Variants in DAB1 observed in about 807,000 individuals in gnomAD.
DAB1 encodes disabled homolog 1.
A neutral mutation model predicts 64.6 loss-of-function variants in DAB1; 15 were observed. The observed-to-expected ratio is 0.23, with a 90% CI of 0.16 to 0.36. The LOEUF (loss-of-function observed/expected upper bound fraction) is 0.36, where lower values mean the gene tolerates loss of function less well. Among genes scored for constraint, DAB1 ranks in the 10% least tolerant of loss-of-function variants. The pLI is 1.00. For synonymous variants in DAB1, 235 were observed against 251.9 expected (o/e 0.93, Z 0.64); for missense variants, 596 against 706.7 (o/e 0.84, Z 1.78).
chr1:57,068,206 C>T (rs1465156677), intron 8 of DAB1, among the ~76,000 whole-genome samples: 1 of 152,192 alleles, frequency 6.6e-6, no homozygotes, highest in African/African-American at 2.4e-5. Flanking sequence ...TTTTCCTCCT[C>T]ATATTCAGAT....
chr1:58,284,424 C>CCT (rs151010322), intron 4 of DAB1, among the ~76,000 whole-genome samples: 1 of 152,114 alleles, frequency 6.6e-6, no homozygotes, highest in Non-Finnish European at 1.5e-5. Context: ...TGCTACCCTG[C>CCT]CTCTCTCTCT....
At chr1:57,941,611 C>T (rs749593407) in intron 5 of DAB1, among the ~76,000 whole-genome samples, 2 of 152,066 alleles carry the variant, frequency 1.3e-5, no homozygotes, top group Admixed American at 6.6e-5. Context: ...CCAAGGCGGG[C>T]GGATCACGAG....
At chr1:57,250,693 C>T (rs79348381) in intron 2 of DAB1, among the ~76,000 whole-genome samples, 5,208 of 152,252 alleles carry the variant, frequency 0.034, 86 homozygotes, top group Non-Finnish European at 0.04. Flanking sequence ...ATTAGGCCCA[C>T]ACCTAAGATT....
chr1:57,009,928 T>A lies in DAB1; in HGVS notation c.*15+752A>T, dbSNP rs544765163. Among the ~76,000 whole-genome samples the A allele has an allele frequency of 1.8e-3, 270 of 152,340 alleles. 3 individuals are homozygous for A. The highest frequency in any genetic ancestry group is 2.0e-3 in the Non-Finnish European group (135 of 68,032). On this transcript the variant is annotated intron_variant, in intron 14 of 14. Transcript: ENST00000371236. The stretch of plus-strand genomic sequence containing the variant: ...TGAAGTGATTTGGTGGCAATCCACA[T>A]GCTGCAGCACAGGTGCAAACAGCAC...
chr1:57,627,640 G>A (rs1035110396), intron 7 of DAB1, among the ~76,000 whole-genome samples: 1 of 152,216 alleles, frequency 6.6e-6, no homozygotes, highest in Non-Finnish European at 1.5e-5. Flanking sequence ...TATAATAAAT[G>A]TTGAATGAAT....
At chr1:57,619,159 T>A (rs1371225991) in intron 7 of DAB1, among the ~76,000 whole-genome samples, 2 of 152,200 alleles carry the variant, frequency 1.3e-5, no homozygotes, top group Admixed American at 1.3e-4. Flanking sequence ...GTTAATATCC[T>A]TTATGACAGG....
chr1:57,199,321 A>G (rs899100681), intron 2 of DAB1, among the ~76,000 whole-genome samples: 1 of 152,256 alleles, frequency 6.6e-6, no homozygotes, highest in Admixed American at 6.5e-5. Flanking sequence ...AAACCCACAC[A>G]GAGACTTCAG....
chr1:58,214,325 T>C (rs1658728277), intron 4 of DAB1, among the ~76,000 whole-genome samples: 2 of 152,296 alleles, frequency 1.3e-5, no homozygotes, highest in East Asian at 3.9e-4. Flanking sequence ...TGCTCACATA[T>C]TACCCTATTC....
chr1:58,403,780 C>T (rs1223420412), intron 3 of DAB1, among the ~76,000 whole-genome samples: 1 of 152,300 alleles, frequency 6.6e-6, no homozygotes, highest in African/African-American at 2.4e-5. Flanking sequence ...ACCTTCCCAT[C>T]CCCTATACAT....
In DAB1 at chr1:58,447,617, T is replaced by C. The variant is rs115151537; in HGVS notation, n.257+58443A>G. On this transcript the variant is annotated intron_variant and non_coding_transcript_variant, in intron 3 of 20. Coordinates refer to the DAB1 transcript ENST00000485760. ...GAATAACCAGATAAACAAACGCTCG[T>C]CAGTGCTATGAAAGAAAAGAAGGAA... Among the ~76,000 whole-genome samples, 1,359 of 152,208 alleles carry C rather than the reference T, an allele frequency of 8.9e-3. 19 individuals carry two copies. The highest frequency in any genetic ancestry group is 0.031 in the African/African-American group (1,305 of 41,520).
intron 2 of DAB1, among the ~76,000 whole-genome samples, chr1:58,520,396 G>A (rs1229339218): frequency 6.6e-6 from 1 of 152,072 alleles, no homozygotes. Flanking sequence ...TGCCCAATTT[G>A]AAAATGGGAA....
At chr1:57,739,037 T>C (rs1441843046) in intron 6 of DAB1, among the ~76,000 whole-genome samples, 1 of 152,190 alleles carries the variant, frequency 6.6e-6, no homozygotes, top group Non-Finnish European at 1.5e-5. Context: ...TTTATAGCGC[T>C]GTCTCCTGAG....
intron 4 of DAB1, among the ~76,000 whole-genome samples, chr1:58,313,818 C>CGTGTGTGTGT (rs563478816): frequency 2.0e-3 from 168 of 85,914 alleles, no homozygotes; most frequent in African/African-American, 8.3e-3. Context: ...ATTGTATCTT[C>CGTGTGTGTGT]ATGTGTGTGT....
At chr1:57,942,575 T>C (rs533527880) in intron 5 of DAB1, among the ~76,000 whole-genome samples, 56 of 152,338 alleles carry the variant, frequency 3.7e-4, no homozygotes, top group Admixed American at 6.5e-4. Flanking sequence ...CAGAGTACCA[T>C]GTGCACCTTT....
intron 7 of DAB1, 29 bp downstream of exon 7, chr1:57,070,994 C>T: frequency 6.2e-7 from 1 of 1,600,250 alleles, no homozygotes; most frequent in Non-Finnish European, 8.6e-7. Context: ...ACTCTTGAAT[C>T]TAAAACCCCG....
chr1:57,463,686 AGGATTCTATT>A (rs1178418727), intron 7 of DAB1, among the ~76,000 whole-genome samples: 2 of 152,190 alleles, frequency 1.3e-5, no homozygotes, highest in African/African-American at 4.8e-5. Context: ...AAGATTCGAC[AGGATTCTATT>A]GGATTCTATT....
At chr1:57,139,461 G>T (rs958060316) in intron 3 of DAB1, among the ~76,000 whole-genome samples, 4 of 152,120 alleles carry the variant, frequency 2.6e-5, no homozygotes, top group African/African-American at 7.2e-5. Flanking sequence ...AAATTACCCA[G>T]TCTCAGGCAT....
At chr1:57,078,344 A>G (rs1240096460) in intron 4 of DAB1, among the ~76,000 whole-genome samples, 1 of 152,242 alleles carries the variant, frequency 6.6e-6, no homozygotes, top group East Asian at 1.9e-4. Context: ...AAGCTCTACC[A>G]TTTACTAGAT....
chr1:58,106,141 TTTC>T (rs1474330311), intron 5 of DAB1, among the ~76,000 whole-genome samples: 3 of 151,768 alleles, frequency 2.0e-5, no homozygotes, highest in Non-Finnish European at 2.9e-5. Context: ...TTTCTCTTTC[TTTC>T]TTTTCTTTCT....
Sources: gnomAD v4.1 joint callset for allele counts (sites outside exome capture counted in the v4.1 genomes callset) on GRCh38, gnomAD v4.1.1 for gene constraint, MANE v1.5 for transcripts, NCBI Gene and HGNC (gene_info 2026-07-23, HGNC 2026-07-21) for gene names.